The following HDAC9 variants were observed in gnomAD, a reference collection of about 807,000 sequenced individuals.
HDAC9 encodes MEF-2 interacting transcription repressor (MITR) protein.
A neutral mutation model predicts 139.4 loss-of-function variants in HDAC9; 41 were observed. That is an observed-to-expected ratio of 0.29 (90% CI 0.23 to 0.38). HDAC9 has a LOEUF of 0.38. Ranked by LOEUF, HDAC9 falls within the 10% of genes least tolerant of loss-of-function variation. The probability of loss-of-function intolerance (pLI) is 1.00; values close to 1 mark genes in which losing one functional copy is unlikely to be tolerated. For synonymous variants in HDAC9, 517 were observed against 476.2 expected, an observed-to-expected ratio of 1.09 and a Z score of -1.12; for missense variants, 1,147 against 1,297.0, an observed-to-expected ratio of 0.88 and a Z score of 1.78.
At chr7:18,988,616 C>T (rs1311558591) in intron 25 of HDAC9, among the ~76,000 whole-genome samples, 8 of 152,074 alleles carry the variant, frequency 5.3e-5, no homozygotes, top group Admixed American at 2.0e-4. Context: ...CCTGAGTATC[C>T]TTGTTTACTT....
chr7:18,728,736 G>A (rs1429075409), intron 13 of HDAC9, among the ~76,000 whole-genome samples: 2 of 152,012 alleles, frequency 1.3e-5, no homozygotes, highest in Non-Finnish European at 2.9e-5. Flanking sequence ...CTTCGTGCTT[G>A]GAAAAGTTAA....
At chr7:18,682,645 T>C (rs1419831846) in intron 12 of HDAC9, among the ~76,000 whole-genome samples, 4 of 152,016 alleles carry the variant, frequency 2.6e-5, no homozygotes, top group Non-Finnish European at 4.4e-5. Context: ...TGATGTTTTG[T>C]TGAAAATGTT....
chr7:18,640,359 A>T (rs1184803558), intron 8 of HDAC9, among the ~76,000 whole-genome samples: 530 of 15,314 alleles, frequency 0.035, 12 homozygotes, highest in African/African-American at 0.11. Flanking sequence ...TCCTGTCTTA[A>T]AAAAAAAAAA....
At chr7:18,773,897 C>G (rs1349702519) in intron 16 of HDAC9, among the ~76,000 whole-genome samples, 1 of 152,096 alleles carries the variant, frequency 6.6e-6, no homozygotes, top group African/African-American at 2.4e-5. Context: ...ATATGTAAAA[C>G]TGATGTGTCA....
At chr7:18,229,604 A>C (rs1237512407) in intron 2 of HDAC9, among the ~76,000 whole-genome samples, 1 of 152,196 alleles carries the variant, frequency 6.6e-6, no homozygotes, top group Non-Finnish European at 1.5e-5. Flanking sequence ...TCTTTCAACT[A>C]TGCACAAAAA....
intron 13 of HDAC9, among the ~76,000 whole-genome samples, chr7:18,733,278 ATG>A (rs1786556340): frequency 1.0e-5 from 1 of 97,464 alleles, no homozygotes. Context: ...ACAGGTATAT[ATG>A]TGTATATATG....
intron 1 of HDAC9, among the ~76,000 whole-genome samples, chr7:18,108,384 A>G (rs1263571319): frequency 6.6e-6 from 1 of 152,142 alleles, no homozygotes; most frequent in Non-Finnish European, 1.5e-5. Flanking sequence ...AATTTAAGTT[A>G]GTTTTTCTCA....
rs1783201993 is a variant in HDAC9, at chr7:18,355,666, G to C, written c.-42+65151G>C. Among the ~76,000 whole-genome samples, 3 of 152,116 alleles carry C rather than the reference G, an allele frequency of 2.0e-5. No individual in the cohort carries two copies. The South Asian group carries it at 6.2e-4, about 31-fold the overall frequency. ...AAATCTGTGGAAGGTTAAATATACA[G>C]AGTGTGAGACATTGAGAATTAGGCA... On this transcript the variant is annotated intron_variant, in intron 1 of 3. Coordinates refer to the HDAC9 transcript ENST00000413509.
chr7:18,662,567 C>T (rs1338292661), intron 11 of HDAC9, among the ~76,000 whole-genome samples: 1 of 151,792 alleles, frequency 6.6e-6, no homozygotes, highest in Non-Finnish European at 1.5e-5. Context: ...AAGGGGTTGA[C>T]TGAGATAGGA....
At chr7:18,159,446 C>CA (rs1486316019) in intron 1 of HDAC9, among the ~76,000 whole-genome samples, 3 of 152,076 alleles carry the variant, frequency 2.0e-5, no homozygotes, top group African/African-American at 7.2e-5. Context: ...ACATGTTGAC[C>CA]ACTGACCCTT....
At chr7:18,121,872 C>T (rs755488000) in intron 1 of HDAC9, among the ~76,000 whole-genome samples, 10 of 152,274 alleles carry the variant, frequency 6.6e-5, no homozygotes, top group Non-Finnish European at 1.5e-4. Flanking sequence ...CACTCTGAAA[C>T]TCTTAACAGT....
chr7:18,983,302 A>G (rs1785081629), intron 25 of HDAC9, among the ~76,000 whole-genome samples: 1 of 152,174 alleles, frequency 6.6e-6, no homozygotes, highest in Non-Finnish European at 1.5e-5. Context: ...AAGGCTGAAT[A>G]ATATTCCATT....
At chr7:18,598,677 C>A (rs972360617) in intron 6 of HDAC9, among the ~76,000 whole-genome samples, 1 of 152,162 alleles carries the variant, frequency 6.6e-6, no homozygotes, top group African/African-American at 2.4e-5. Context: ...TTATTTATTT[C>A]TATTATGCCA....
intron 14 of HDAC9, among the ~76,000 whole-genome samples, chr7:18,753,350 C>A (rs1382353924): frequency 2.0e-5 from 3 of 151,928 alleles, no homozygotes; most frequent in African/African-American, 7.3e-5. Context: ...GCCCTGTGAC[C>A]AAGAGACAGA....
At chr7:18,792,264 T>A (rs1017212471) in intron 16 of HDAC9, among the ~76,000 whole-genome samples, 1 of 149,784 alleles carries the variant, frequency 6.7e-6, no homozygotes, top group African/African-American at 2.5e-5. Flanking sequence ...TCTCTTTTTT[T>A]TTTAAAAAAA....
chr7:18,443,846 G>GTATATACATTTGTATAAACA (rs1456969743), intron 1 of HDAC9, among the ~76,000 whole-genome samples: 1 of 150,386 alleles, frequency 6.6e-6, no homozygotes, highest in South Asian at 2.1e-4. Flanking sequence ...ATAAACATTT[G>GTATATACATTTGTATAAACA]TATATACATT....
Position 18,205,031 on chromosome 7 carries a change from A to G in HDAC9, c.25+42682A>G, listed in dbSNP as rs1329108812. ...TGTGTGTGTGTTTATAAACCCACGG[A>G]TACATATATGCACAAATACACATAG... On this transcript the variant is annotated intron_variant, in intron 2 of 12. Transcript: ENST00000417496. Among the ~76,000 whole-genome samples the G allele has an allele frequency of 3.9e-5, 6 of 152,100 alleles. No individual in the cohort carries two copies. The East Asian group carries it at 1.2e-3, about 29-fold the overall frequency.
chr7:18,905,870 C>CTTTTCCTTCTTTT, intron 22 of HDAC9, among the ~76,000 whole-genome samples: 1 of 151,518 alleles, frequency 6.6e-6, no homozygotes, highest in Non-Finnish European at 1.5e-5. Context: ...TTCTTTCTTT[C>CTTTTCCTTCTTTT]CTTTCTTTTC....
At chr7:18,902,619 C>A (rs1250550445) in intron 22 of HDAC9, among the ~76,000 whole-genome samples, 1 of 152,076 alleles carries the variant, frequency 6.6e-6, no homozygotes, top group East Asian at 1.9e-4. Flanking sequence ...AAACAATTGA[C>A]AAGGGCAGGG....
Sources: gnomAD v4.1 joint callset for allele counts (sites outside exome capture counted in the v4.1 genomes callset) on GRCh38, gnomAD v4.1.1 for gene constraint, MANE v1.5 for transcripts, NCBI Gene and HGNC (gene_info 2026-07-23, HGNC 2026-07-21) for gene names.